The following ABCC1 variants were observed in gnomAD, a reference collection of about 807,000 sequenced individuals.
ABCC1 encodes the protein ATP binding cassette subfamily C member 1 (ABCC1 blood group), also known as multidrug resistance-associated protein 1.
In ABCC1, 83 loss-of-function variants were observed where a neutral mutation model predicts 172.9. That is an observed-to-expected ratio of 0.48 (90% CI 0.40 to 0.58). The LOEUF is 0.58. ABCC1 is among the 20% of genes least tolerant of loss of function. ABCC1 has a pLI of 0.00. For missense variants in ABCC1, 1,817 were observed against 2,002.7 expected (o/e 0.91, Z 1.77); for synonymous variants, 937 against 825.2 (o/e 1.14, Z -2.32).
chr16:15,958,399 C>T (rs151005473), intron 1 of ABCC1, among the ~76,000 whole-genome samples: 278 of 152,242 alleles, frequency 1.8e-3, no homozygotes, highest in African/African-American at 6.0e-3. Flanking sequence ...CATGAGCCAC[C>T]GTGCCTGGCC....
chr16:15,994,815 G>A (rs1362496643), intron 1 of ABCC1, among the ~76,000 whole-genome samples: 1 of 150,998 alleles, frequency 6.6e-6, no homozygotes, highest in African/African-American at 2.4e-5. Flanking sequence ...CCAGGCTGGA[G>A]TGCAGTGGTG....
intron 7 of ABCC1, among the ~76,000 whole-genome samples, chr16:16,036,911 C>T (rs1293223016): frequency 6.6e-6 from 1 of 152,170 alleles, no homozygotes; most frequent in Non-Finnish European, 1.5e-5. Context: ...TGAGACCAGC[C>T]TGGCCAACAT....
chr16:16,107,178 G>A (rs914466105), intron 21 of ABCC1, among the ~76,000 whole-genome samples: 1 of 152,182 alleles, frequency 6.6e-6, no homozygotes, highest in Admixed American at 6.5e-5. Flanking sequence ...GAGGTGAGCT[G>A]GATGCTTTAA....
At position 15,999,819 on chromosome 16, in the gene ABCC1, T is replaced by TC. The variant is rs1247457123; in HGVS notation, c.49-7996dup. Among the ~76,000 whole-genome samples, 73 of 68,634 alleles carry TC rather than the reference T, an allele frequency of 1.1e-3. 1 individual carries two copies. The highest frequency in any genetic ancestry group is 3.5e-3 in the African/African-American group (72 of 20,740). 45.0% of individuals were successfully genotyped at this position (68,634 alleles called of 152,430 possible). On this transcript the variant is annotated intron_variant, in intron 1 of 30. Transcript: ENST00000399410. ...TCTCTCTCTCTCTCTCCTCTCTCTC[T>TC]CTCTCTCTCTCTCTGTCTCTTTCTT...
chr16:16,131,686 G>A (rs878856155), intron 26 of ABCC1, 103 bp from the exon 27 acceptor site: 2 of 1,393,706 alleles, frequency 1.4e-6, no homozygotes, highest in South Asian at 2.7e-5. Flanking sequence ...GGCCTGGGAG[G>A]CCACCTTGGG....
At chr16:15,955,460 G>A (rs1388335721) in intron 1 of ABCC1, among the ~76,000 whole-genome samples, 2 of 152,182 alleles carry the variant, frequency 1.3e-5, no homozygotes, top group African/African-American at 4.8e-5. Context: ...AAACCCTGCA[G>A]TAGTTCCTTG....
At chr16:16,044,006 T>C (rs931803481) in intron 7 of ABCC1, among the ~76,000 whole-genome samples, 10 of 152,244 alleles carry the variant, frequency 6.6e-5, no homozygotes, top group African/African-American at 1.7e-4. Flanking sequence ...TGAGTTTCCA[T>C]GTGAATTTTA....
chr16:16,135,878 C>T (rs212086), intron 28 of ABCC1, among the ~76,000 whole-genome samples: 23,897 of 152,104 alleles, frequency 0.16, 1,930 homozygotes, highest in East Asian at 0.24. Flanking sequence ...GGAGAATCCA[C>T]GGGACTTTAC....
At chr16:16,075,093 C>T (rs1351577219) in intron 14 of ABCC1, among the ~76,000 whole-genome samples, 1 of 151,710 alleles carries the variant, frequency 6.6e-6, no homozygotes, top group African/African-American at 2.4e-5. Flanking sequence ...TACAGGCATG[C>T]GCTACCACAC....
chr16:16,097,595 C>G (rs1567400260), intron 19 of ABCC1, among the ~76,000 whole-genome samples: 1 of 152,216 alleles, frequency 6.6e-6, no homozygotes, highest in African/African-American at 2.4e-5. Flanking sequence ...AGATAAATAC[C>G]TCAGACTAGG....
At chr16:15,981,817 G>A (rs142285085) in intron 1 of ABCC1, among the ~76,000 whole-genome samples, 4 of 152,176 alleles carry the variant, frequency 2.6e-5, no homozygotes, top group East Asian at 3.9e-4. Context: ...TTTCTTTTCC[G>A]TCACATCATC....
rs142336997 is a variant in ABCC1 at position 16,085,649 on chromosome 16, G to A, written c.2293-1175G>A. ...ACAAAAAGTTGCCAGGCATGGTGCC[G>A]TGCACCTGTGGTCCCAGCCACTTAG... On this transcript the variant is annotated intron_variant, in intron 17 of 30. Coordinates refer to ENST00000399410, the MANE Select transcript of ABCC1 (RefSeq NM_004996.4). Among the ~76,000 whole-genome samples, 332 of 152,280 alleles carry A rather than the reference G, an allele frequency of 2.2e-3. 7 individuals carry two copies. Among genetic ancestry groups the A allele is most frequent in the Admixed American group, 0.02 (311 of 15,300 alleles).
chr16:16,132,976 G>C (rs1453378312), intron 27 of ABCC1, among the ~76,000 whole-genome samples: 2 of 152,006 alleles, frequency 1.3e-5, no homozygotes, highest in Non-Finnish European at 2.9e-5. Context: ...GAGCCTCCTG[G>C]TTCACCCCAG....
At chr16:16,070,946 C>A (rs1365158769) in intron 13 of ABCC1, among the ~76,000 whole-genome samples, 1 of 152,170 alleles carries the variant, frequency 6.6e-6, no homozygotes, top group African/African-American at 2.4e-5. Flanking sequence ...AATACTCAGC[C>A]CATATCCAAG....
chr16:16,128,780 C>T (rs151205139), intron 26 of ABCC1, among the ~76,000 whole-genome samples: 1 of 152,270 alleles, frequency 6.6e-6, no homozygotes, highest in East Asian at 1.9e-4. Context: ...GGGTGGATCA[C>T]TTGAAGCCAG....
At chr16:16,009,452 G>A (rs748942442) in intron 2 of ABCC1, among the ~76,000 whole-genome samples, 30 of 152,144 alleles carry the variant, frequency 2.0e-4, no homozygotes, top group Non-Finnish European at 3.4e-4. Flanking sequence ...TGTGCAGTGC[G>A]CCGGAGTTGC....
At position 16,141,362 on chromosome 16, in the gene ABCC1, C is replaced by A; in HGVS notation, c.*81C>A. The A allele has an allele frequency of 7.5e-7, 1 of 1,328,492 alleles. No homozygotes were observed. The highest frequency in any genetic ancestry group is 1.1e-6 in the Non-Finnish European group (1 of 938,714). 82.3% of individuals were successfully genotyped at this position (1,328,492 alleles called of 1,614,324 possible). On this transcript the variant is annotated 3_prime_UTR_variant, in exon 31 of 31. Transcript: ENST00000399410. ...GGAGGAGTCAGTACCCCTGGTAAACCAAGCCTCCCACACTGAAACCAAAAC... is the reference window on the plus strand; with the variant it reads ...GGAGGAGTCAGTACCCCTGGTAAACAAAGCCTCCCACACTGAAACCAAAAC...
intron 1 of ABCC1, among the ~76,000 whole-genome samples, chr16:15,982,818 A>AAAAAAAAAAAAAAAAAAAAAAAAAAC: frequency 6.7e-6 from 1 of 149,756 alleles, no homozygotes; most frequent in Non-Finnish European, 1.5e-5. Context: ...AAAAAAAAAA[A>AAAAAAAAAAAAAAAAAAAAAAAAAAC]AAAAAAGGAA....
At chr16:16,100,193 C>T (rs1470202912) in intron 19 of ABCC1, among the ~76,000 whole-genome samples, 1 of 152,154 alleles carries the variant, frequency 6.6e-6, no homozygotes, top group Non-Finnish European at 1.5e-5. Flanking sequence ...TTTCCAGCTG[C>T]CCAGTTCGAC....
Sources: gnomAD v4.1 joint callset for allele counts (sites outside exome capture counted in the v4.1 genomes callset) on GRCh38, gnomAD v4.1.1 for gene constraint, MANE v1.5 for transcripts, NCBI Gene and HGNC (gene_info 2026-07-23, HGNC 2026-07-21) for gene names.